Variants in SUGCT observed in about 807,000 individuals in gnomAD.
SUGCT encodes succinyl-CoA:glutarate-CoA transferase.
In SUGCT, 41 loss-of-function variants were observed where a neutral mutation model predicts 55.0. The ratio of observed to expected loss-of-function variants is 0.74; its 90% confidence interval spans 0.58 to 0.97. The LOEUF is 0.97. Ranked by LOEUF, SUGCT falls within the 50% of genes least tolerant of loss-of-function variation. The pLI, the probability that SUGCT is intolerant of heterozygous loss-of-function variation, is 0.00. For missense variants in SUGCT, 568 were observed against 547.8 expected (o/e 1.04, Z -0.37); for synonymous variants, 187 against 200.4 (o/e 0.93, Z 0.56).
chr7:40,459,339 AT>A, intron 11 of SUGCT, 141 bp downstream of exon 11: 1 of 591,664 alleles, frequency 1.7e-6, no homozygotes, highest in Non-Finnish European at 2.9e-6. Flanking sequence ...TGGTGGAGAG[AT>A]TTTAAAGCTG....
intron 9 of SUGCT, among the ~76,000 whole-genome samples, chr7:40,430,200 G>A (rs927419158): frequency 6.6e-6 from 1 of 152,144 alleles, no homozygotes; most frequent in African/African-American, 2.4e-5. Flanking sequence ...GGATTACTGG[G>A]TCATATGCTA....
chr7:41,002,841 G>T, the SUGCT span, among the ~76,000 whole-genome samples: 1 of 152,018 alleles, frequency 6.6e-6, no homozygotes, highest in East Asian at 1.9e-4. Context: ...GAAAGGGCTG[G>T]GGCCTGTTGC....
intron 13 of SUGCT, among the ~76,000 whole-genome samples, chr7:40,829,648 T>G (rs372182148): frequency 2.6e-5 from 4 of 152,202 alleles, no homozygotes; most frequent in African/African-American, 9.6e-5. Flanking sequence ...CATGTCACTT[T>G]CCATGCATGG....
At position 40,494,744 on chromosome 7, in the gene SUGCT, T is replaced by C. The variant is rs1208522036; in HGVS notation, c.987-1540T>C. 2.6e-5 allele frequency among the ~76,000 whole-genome samples: 4 copies of C among 152,220 alleles called. No individual in the cohort carries two copies. In the East Asian group the frequency reaches 5.8e-4, roughly 22 times the overall value. ...CTACCTTTATAAAAAATATTTATTA[T>C]ATCCTTAAGTAAAAACTTATATGAT... On this transcript the variant is annotated intron_variant, in intron 11 of 13. Transcript: ENST00000335693.
chr7:40,521,595 G>C (rs1464236947), intron 12 of SUGCT, among the ~76,000 whole-genome samples: 2 of 151,998 alleles, frequency 1.3e-5, no homozygotes, highest in African/African-American at 2.4e-5. Context: ...CCTCATGAAC[G>C]GTTGCATAAA....
At chr7:40,555,772 T>C (rs1457966013) in intron 12 of SUGCT, among the ~76,000 whole-genome samples, 2 of 152,086 alleles carry the variant, frequency 1.3e-5, no homozygotes, top group Admixed American at 1.3e-4. Flanking sequence ...ATTATGAAAG[T>C]GCTCAATACC....
intron 1 of SUGCT, among the ~76,000 whole-genome samples, chr7:40,155,150 T>C (rs147632977): frequency 0.017 from 2,635 of 152,150 alleles, 70 homozygotes; most frequent in African/African-American, 0.061. Context: ...CTGGGTGTAG[T>C]GGCGCATGCC....
chr7:40,242,060 G>C (rs1342002371), intron 7 of SUGCT, among the ~76,000 whole-genome samples: 1 of 152,068 alleles, frequency 6.6e-6, no homozygotes, highest in Non-Finnish European at 1.5e-5. Flanking sequence ...GACAAAGAGA[G>C]AATCTATTTT....
intron 1 of SUGCT, among the ~76,000 whole-genome samples, chr7:40,151,344 C>T (rs1788561274): frequency 6.6e-6 from 1 of 152,212 alleles, no homozygotes; most frequent in African/African-American, 2.4e-5. Context: ...GACCTGAGCA[C>T]ATGAGGCCAG....
At chr7:40,796,042 A>G (rs745903799) in intron 13 of SUGCT, among the ~76,000 whole-genome samples, 9 of 151,982 alleles carry the variant, frequency 5.9e-5, no homozygotes, top group Admixed American at 2.0e-4. Flanking sequence ...AACACTCTCA[A>G]TTGTTTATAA....
chr7:40,618,873 A>C (rs1349443514), intron 12 of SUGCT, among the ~76,000 whole-genome samples: 1 of 152,158 alleles, frequency 6.6e-6, no homozygotes, highest in East Asian at 1.9e-4. Flanking sequence ...TCTTTCTGTC[A>C]TTTCTGTCCT....
the SUGCT span, among the ~76,000 whole-genome samples, chr7:40,983,165 C>G: frequency 3.3e-5 from 5 of 152,152 alleles, no homozygotes; most frequent in African/African-American, 1.2e-4. Flanking sequence ...TTTTATCCGT[C>G]TTGTGTTCCT....
chr7:40,610,131 C>T (rs977437558), intron 12 of SUGCT, among the ~76,000 whole-genome samples: 4 of 152,202 alleles, frequency 2.6e-5, no homozygotes. Context: ...GACACCACTT[C>T]CTTCTGGAGT....
At chr7:40,461,730 T>C (rs1789816495) in intron 11 of SUGCT, among the ~76,000 whole-genome samples, 1 of 152,196 alleles carries the variant, frequency 6.6e-6, no homozygotes, top group Admixed American at 6.5e-5. Flanking sequence ...GGCATTTTAT[T>C]TCCTAACAAA....
the SUGCT span, among the ~76,000 whole-genome samples, chr7:40,931,346 A>G: frequency 6.6e-6 from 1 of 152,076 alleles, no homozygotes; most frequent in Non-Finnish European, 1.5e-5. Flanking sequence ...GAGGATTTTC[A>G]CATCAATGTT....
At chr7:40,772,176 A>G (rs1033152440) in intron 13 of SUGCT, among the ~76,000 whole-genome samples, 3 of 152,144 alleles carry the variant, frequency 2.0e-5, no homozygotes, top group African/African-American at 4.8e-5. Context: ...TTCCACACCA[A>G]AAGTCTGTAG....
Position 40,395,441 on chromosome 7 carries a change from A to T in SUGCT, c.817-53846A>T, listed in dbSNP as rs1785670027. ...GAGGCAGAAGTTGCAGTGAGCCGAGATCCTGCCATTGCACTCCAGCTTGGG... is the reference window on the plus strand; with the variant it reads ...GAGGCAGAAGTTGCAGTGAGCCGAGTTCCTGCCATTGCACTCCAGCTTGGG... On this transcript the variant is annotated intron_variant, in intron 9 of 13. Transcript: ENST00000335693. 2.1e-5 allele frequency among the ~76,000 whole-genome samples: 3 copies of T among 145,270 alleles called. No individual in the cohort carries two copies. The South Asian group carries it at 6.7e-4, about 32-fold the overall frequency.
Position 40,561,498 on chromosome 7 carries a change from A to G in SUGCT, c.1089+65112A>G, listed in dbSNP as rs547595029. Among the ~76,000 whole-genome samples, 24 of 152,194 alleles carry G rather than the reference A, an allele frequency of 1.6e-4. No homozygotes were observed. In the East Asian group the frequency reaches 3.5e-3, roughly 22 times the overall value. On this transcript the variant is annotated intron_variant, in intron 12 of 13. Transcript: ENST00000335693. ...TAAGATTTAGTCAACAGATATATTG[A>G]ACATCTATTATGTGCCAGGCATTGT...
chr7:40,746,991 C>G (rs1436625408), intron 12 of SUGCT, among the ~76,000 whole-genome samples: 1 of 152,124 alleles, frequency 6.6e-6, no homozygotes, highest in Non-Finnish European at 1.5e-5. Flanking sequence ...TGTTCCTGTC[C>G]TCAGTAGAAC....
Sources: gnomAD v4.1 joint callset for allele counts (sites outside exome capture counted in the v4.1 genomes callset) on GRCh38, gnomAD v4.1.1 for gene constraint, MANE v1.5 for transcripts, NCBI Gene and HGNC (gene_info 2026-07-23, HGNC 2026-07-21) for gene names.